Variants in CCZ1B observed in about 807,000 individuals in gnomAD.
CCZ1B encodes the protein CCZ1B vacuolar protein trafficking and biogenesis associated, also known as vacuolar fusion protein CCZ1 homolog B.
CCZ1B carries 25 observed loss-of-function variants against 58.8 expected under a neutral mutation model. The ratio of observed to expected loss-of-function variants is 0.43; its 90% CI spans 0.31 to 0.59. The LOEUF (loss-of-function observed/expected upper bound fraction) is 0.59. Among genes scored for constraint, CCZ1B ranks in the 20% least tolerant of loss-of-function variants. The probability of loss-of-function intolerance (pLI) is 0.12; values close to 1 mark genes in which losing one functional copy is unlikely to be tolerated. For missense variants in CCZ1B, 180 were observed against 501.5 expected, an observed-to-expected ratio of 0.36 and a Z score of 6.12; for synonymous variants, 66 against 173.2, an observed-to-expected ratio of 0.38 and a Z score of 4.86.
chr7:6,811,822 T>C lies in CCZ1B; in HGVS notation c.954+130A>G, dbSNP rs1374391288. 3 of 648,472 alleles carry C rather than the reference T, an allele frequency of 4.6e-6. No individual in the cohort carries two copies. The East Asian group carries it at 8.2e-5, about 18-fold the overall frequency. 40.2% of individuals were successfully genotyped at this position (648,472 alleles called of 1,614,324 possible). A position where few individuals can be genotyped will look rare whatever the true frequency, so the allele number is the denominator to read the frequency against. ...GCTGGAAGAACACCCATTTTGAGTT[T>C]TACCATAATCAGAACTTCCAATATC... On this transcript the variant is annotated intron_variant, in intron 10 of 14. Transcript: ENST00000316731.
chr7:6,818,667 CAGAAAGAAAGAAAGAAAGAAAGAA>C lies in CCZ1B; in HGVS notation c.698+1075_698+1098del, dbSNP rs139349494. On this transcript the variant is annotated intron_variant, in intron 7 of 14. Coordinates refer to ENST00000316731, the MANE Select transcript of CCZ1B (RefSeq NM_198097.5). ...AAAGAAAGACAGAAAGAAAGACAGA[CAGAAAGAAAGAAAGAAAGAAAGAA>C]AGACAAGAAAGAAAGAAAGACAAGA... 4.5e-4 allele frequency among the ~76,000 whole-genome samples: 33 copies of C among 73,894 alleles called. 2 individuals are homozygous for C. The South Asian group carries it at 6.8e-3, about 15-fold the overall frequency. 48.5% of individuals were successfully genotyped at this position (73,894 alleles called of 152,430 possible). A position where few individuals can be genotyped will look rare whatever the true frequency, so the allele number is the denominator to read the frequency against.
intron 7 of CCZ1B, among the ~76,000 whole-genome samples, chr7:6,815,451 C>T (rs1782985632): frequency 6.7e-6 from 1 of 149,270 alleles, no homozygotes; most frequent in Admixed American, 6.7e-5. Context: ...ATGTGAGCCA[C>T]TGTGCCTGGT....
intron 12 of CCZ1B, among the ~76,000 whole-genome samples, chr7:6,801,935 C>T (rs552524166): frequency 0.021 from 2,476 of 116,702 alleles, 37 homozygotes; most frequent in Non-Finnish European, 0.03. Context: ...TGTTCATGTG[C>T]TGTCTGTCTG....
chr7:6,823,132 C>G lies in CCZ1B; in HGVS notation c.438+181G>C, dbSNP rs995925207. Among the ~76,000 whole-genome samples the G allele has an allele frequency of 1.3e-5, 2 of 148,890 alleles. 1 individual carries two copies. Among genetic ancestry groups the G allele is most frequent in the Non-Finnish European group, 3.0e-5 (2 of 67,596 alleles). On this transcript the variant is annotated intron_variant, in intron 5 of 14. Coordinates refer to ENST00000316731, the MANE Select transcript of CCZ1B (RefSeq NM_198097.5). ...TGAGAAAAGAGAAGGGAGTTCAATA[C>G]TTACTGAATAAATGTAGGCATAAAC...
At chr7:6,820,144 T>C (rs1783085485) in intron 6 of CCZ1B, among the ~76,000 whole-genome samples, 1 of 148,314 alleles carries the variant, frequency 6.7e-6, no homozygotes, top group East Asian at 1.9e-4. Flanking sequence ...GTTCAAACTA[T>C]CTACTTAATG....
At position 6,799,116 on chromosome 7, in the gene CCZ1B, T is replaced by C. The variant is rs1339589232; in HGVS notation, c.*108A>G. On this transcript the variant is annotated 3_prime_UTR_variant, in exon 15 of 15. Coordinates refer to ENST00000316731, the MANE Select transcript of CCZ1B (RefSeq NM_198097.5). ...GAAATCTGATTCTTCAAAGCAAGTA[T>C]TGCTTTACCCTTGTCCTGAATGCAG... 9.5e-5 allele frequency: 65 copies of C among 681,640 alleles called. 24 individuals are homozygous for C. In the African/African-American group the frequency reaches 9.9e-4, roughly 10 times the overall value. The allele number at this position is 681,640 out of a possible 1,614,324, so 42.2% of individuals were successfully genotyped here.
At chr7:6,823,978 C>G (rs1271897109) in intron 4 of CCZ1B, 111 bp downstream of exon 4, 1 of 636,318 alleles carries the variant, frequency 1.6e-6, no homozygotes, top group Non-Finnish European at 2.7e-6. Context: ...CTATATACCC[C>G]GAGAAACTTC....
At chr7:6,804,485 T>A (rs1782808154) in intron 12 of CCZ1B, among the ~76,000 whole-genome samples, 1 of 111,774 alleles carries the variant, frequency 8.9e-6, no homozygotes, top group African/African-American at 3.5e-5. Flanking sequence ...GCCGGAGGAG[T>A]GAATCCCGCC....
intron 10 of CCZ1B, among the ~76,000 whole-genome samples, chr7:6,809,946 C>A (rs1782893405): frequency 6.8e-6 from 1 of 147,032 alleles, no homozygotes; most frequent in Non-Finnish European, 1.5e-5. Flanking sequence ...TGACGGATGA[C>A]CCTGTGTAAC....
intron 7 of CCZ1B, among the ~76,000 whole-genome samples, chr7:6,819,464 G>C (rs957582637): frequency 1.7e-4 from 25 of 148,990 alleles, no homozygotes; most frequent in Non-Finnish European, 1.3e-4. Flanking sequence ...TCCAACTCCT[G>C]ACCTCGTGAT....
chr7:6,814,270 C>T (rs2115118744), intron 8 of CCZ1B, among the ~76,000 whole-genome samples: 1 of 149,848 alleles, frequency 6.7e-6, no homozygotes, highest in African/African-American at 2.5e-5. Flanking sequence ...GGGGCAGTGG[C>T]TCACGCCTGT....
intron 7 of CCZ1B, among the ~76,000 whole-genome samples, chr7:6,818,537 G>C (rs564133034): frequency 2.7e-5 from 4 of 147,842 alleles, no homozygotes; most frequent in South Asian, 2.1e-4. Flanking sequence ...AACAGAGTGA[G>C]ACTCCGTTAG....
rs148069909 is a variant in CCZ1B, at chr7:6,824,437, C to T, written c.312+18G>A. Reference sequence around the variant, plus strand: ...TTCACCATACAATTTCAGAAAGATACACTGTGTGTGTAAATACCATGACCA... The same window carrying T: ...TTCACCATACAATTTCAGAAAGATATACTGTGTGTGTAAATACCATGACCA... On this transcript the variant is annotated intron_variant, in intron 3 of 14. Coordinates refer to ENST00000316731, the MANE Select transcript of CCZ1B (RefSeq NM_198097.5). The T allele has an allele frequency of 4.7e-3, 7,533 of 1,603,724 alleles. 302 individuals carry two copies. The African/African-American group carries it at 0.088, about 19-fold the overall frequency.
intron 8 of CCZ1B, among the ~76,000 whole-genome samples, chr7:6,813,779 A>C (rs940356250): frequency 6.7e-6 from 1 of 149,460 alleles, no homozygotes; most frequent in African/African-American, 2.5e-5. Context: ...CTGTTGATAG[A>C]GGAAAATACT....
At chr7:6,819,092 C>A (rs1415034228) in intron 7 of CCZ1B, among the ~76,000 whole-genome samples, 2 of 116,980 alleles carry the variant, frequency 1.7e-5, no homozygotes, top group East Asian at 5.4e-4. Context: ...TGAGACCAGC[C>A]TGGGCAACAC....
rs1371418357 is a variant in CCZ1B at position 6,822,285 on chromosome 7, T to C, written c.518A>G (p.His173Arg). The change falls in exon 6 of 15, where the codon CAT becomes CGT. Residue 173 changes from histidine (H) to arginine (R), a missense_variant. His to Arg is a conservative substitution (Grantham distance 29). Transcript: ENST00000316731. ...AATGAAATTCAAAATACTTACCCGA[T>C]GGAAGAATTTCTCTAATCTTTCTTT... ...LLKERLEKFFHRYLQTLHLQS... is the reference protein window; with the variant it reads ...LLKERLEKFFRRYLQTLHLQS... 5 of 1,583,784 alleles carry C rather than the reference T, an allele frequency of 3.2e-6. No individual in the cohort carries two copies. In the East Asian group the frequency reaches 6.7e-5, roughly 21 times the overall value.
intron 1 of CCZ1B, among the ~76,000 whole-genome samples, chr7:6,825,024 T>A (rs1258672346): frequency 6.7e-6 from 1 of 150,200 alleles, no homozygotes; most frequent in Non-Finnish European, 1.5e-5. Context: ...GTGCAAATAC[T>A]GCCCACCAGT....
At chr7:6,810,809 G>C (rs1278132648) in intron 10 of CCZ1B, among the ~76,000 whole-genome samples, 1 of 149,222 alleles carries the variant, frequency 6.7e-6, no homozygotes, top group Non-Finnish European at 1.5e-5. Context: ...GTTCTCGTCT[G>C]TCCTCGGAAT....
intron 6 of CCZ1B, among the ~76,000 whole-genome samples, chr7:6,820,408 G>T (rs2115126898): frequency 6.7e-6 from 1 of 148,940 alleles, no homozygotes; most frequent in Non-Finnish European, 1.5e-5. Flanking sequence ...TCAATCTCCT[G>T]ACTCGTGATC....
Sources: gnomAD v4.1 joint callset for allele counts (sites outside exome capture counted in the v4.1 genomes callset) on GRCh38, gnomAD v4.1.1 for gene constraint, MANE v1.5 for transcripts, NCBI Gene and HGNC (gene_info 2026-07-23, HGNC 2026-07-21) for gene names.